DRAXIN: variants seen among roughly 807,000 people sequenced by gnomAD.
The protein encoded by DRAXIN is dorsal repulsive axon guidance protein.
Under a neutral mutation model 33.9 loss-of-function variants are expected in DRAXIN, and 27 were observed. The ratio of observed to expected loss-of-function variants is 0.80; its 90% CI spans 0.59 to 1.10. The LOEUF (loss-of-function observed/expected upper bound fraction) is 1.10, where lower values mean the gene tolerates loss of function less well. Ranked by LOEUF, DRAXIN falls within the 50% of genes least tolerant of loss-of-function variation. The pLI, the probability that DRAXIN is intolerant of heterozygous loss-of-function variation, is 0.00. For synonymous variants in DRAXIN, 178 were observed against 194.0 expected (o/e 0.92, Z 0.69); for missense variants, 371 against 460.8 (o/e 0.81, Z 1.78).
Position 11,706,439 on chromosome 1 carries a change from G to C in DRAXIN, c.181G>C (p.Gly61Arg). ...TPQASHHRRR[G>R]PGKKEWGPGL... ...TCAGGCCAGCCACCACCGCCGGCGGGGCCCGGGCAAGAAGGAGTGGGGCCC... is the reference window on the plus strand; with the variant it reads ...TCAGGCCAGCCACCACCGCCGGCGGCGCCCGGGCAAGAAGGAGTGGGGCCC... The change falls in exon 2 of 7, where the codon GGC becomes CGC. Residue 61 changes from glycine to arginine, a missense_variant. Physicochemically the swap from Gly to Arg is moderately radical, Grantham distance 125. Transcript: ENST00000294485. The surrounding 1 kb of genome is among the most constrained non-coding windows in gnomAD (Gnocchi z 5.5). 6.2e-7 allele frequency: 1 copy of C among 1,611,640 alleles called. No individual in the cohort carries two copies. Among genetic ancestry groups the C allele is most frequent in the Middle Eastern group, 1.8e-4 (1 of 5,514 alleles).
In DRAXIN at chr1:11,720,079, T is replaced by C. The variant is rs1183655542; in HGVS notation, c.*383T>C. 4.1e-6 allele frequency: 1 copy of C among 241,474 alleles called. No individual in the cohort carries two copies. Among genetic ancestry groups the C allele is most frequent in the Non-Finnish European group, 8.6e-6 (1 of 115,946 alleles). 15.0% of individuals were successfully genotyped at this position (241,474 alleles called of 1,614,324 possible). On this transcript the variant is annotated 3_prime_UTR_variant, in exon 7 of 7. Coordinates refer to ENST00000294485, the MANE Select transcript of DRAXIN (RefSeq NM_198545.4). ...CGAAAGAAGGTCCACCATCAGGAGATGAATATGGAACATCTCCTATGTACC... is the reference window on the plus strand; with the variant it reads ...CGAAAGAAGGTCCACCATCAGGAGACGAATATGGAACATCTCCTATGTACC...
intron 3 of DRAXIN, among the ~76,000 whole-genome samples, chr1:11,710,609 T>C (rs1261205594): frequency 1.3e-5 from 2 of 152,064 alleles, no homozygotes; most frequent in African/African-American, 4.8e-5. Flanking sequence ...CTTGCACCTC[T>C]TCTGTGGCTT....
At position 11,724,389 on chromosome 1, in the gene DRAXIN, C is replaced by T. The variant is rs954713694; in HGVS notation, c.*4693C>T. ...ATCCCAGGAATACCTGCTGTTCCCA[C>T]AGGGCTGCCTTTCCGTAGTTTGTCT... On this transcript the variant is annotated 3_prime_UTR_variant, in exon 7 of 7. Transcript: ENST00000294485. The T allele has an allele frequency of 6.6e-6, 1 of 152,370 alleles. No homozygotes were observed. Among genetic ancestry groups the T allele is most frequent in the Non-Finnish European group, 1.5e-5 (1 of 68,144 alleles). 9.4% of individuals were successfully genotyped at this position (152,370 alleles called of 1,614,324 possible).
upstream of DRAXIN, among the ~76,000 whole-genome samples, chr1:11,688,567 A>C (rs1297908455): frequency 6.6e-6 from 1 of 152,078 alleles, no homozygotes; most frequent in Non-Finnish European, 1.5e-5. This position sits in a 1 kb window ranked among gnomAD's most constrained non-coding sequence, Gnocchi z 4.6. Flanking sequence ...TCTCAAAAAA[A>C]AAAAAGAAAA....
intron 6 of DRAXIN, among the ~76,000 whole-genome samples, chr1:11,717,995 T>C (rs1641604416): frequency 2.5e-5 from 1 of 39,958 alleles, no homozygotes; most frequent in Non-Finnish European, 4.0e-5. Context: ...AGCAAGACCC[T>C]GTCTCAAAAA....
upstream of DRAXIN, among the ~76,000 whole-genome samples, chr1:11,687,563 G>A (rs1265469131): frequency 6.6e-6 from 1 of 152,020 alleles, no homozygotes; most frequent in Admixed American, 6.6e-5. This position sits in a 1 kb window ranked among gnomAD's most constrained non-coding sequence, Gnocchi z 4.1. Context: ...TTTCTGTAGA[G>A]AAGGGGTCTC....
At chr1:11,711,182 T>C (rs560168921) in intron 3 of DRAXIN, among the ~76,000 whole-genome samples, 2 of 152,360 alleles carry the variant, frequency 1.3e-5, no homozygotes, top group South Asian at 2.1e-4. Context: ...TTATCCTTTT[T>C]TGGGGTCTTG....
chr1:11,724,017 A>G lies in DRAXIN; in HGVS notation c.*4321A>G, dbSNP rs1641692289. The G allele has an allele frequency of 6.6e-6, 1 of 152,204 alleles. No homozygotes were observed. Among genetic ancestry groups the G allele is most frequent in the African/African-American group, 2.4e-5 (1 of 41,446 alleles). The allele number at this position is 152,204 out of a possible 1,614,324, so 9.4% of individuals were successfully genotyped here. Reference sequence around the variant, plus strand: ...CGGTTCTTTGACAATGACCCATCACATACTCTGAGATCATTTCTAAGTCAC... The same window carrying G: ...CGGTTCTTTGACAATGACCCATCACGTACTCTGAGATCATTTCTAAGTCAC... On this transcript the variant is annotated 3_prime_UTR_variant, in exon 7 of 7. Transcript: ENST00000294485.
chr1:11,716,756 T>C (rs1641584585), intron 6 of DRAXIN, among the ~76,000 whole-genome samples: 1 of 152,170 alleles, frequency 6.6e-6, no homozygotes, highest in Admixed American at 6.5e-5. Flanking sequence ...CTCTGTAGCT[T>C]TAACTCCCGG....
At chr1:11,693,700 C>T (rs1436112937) in intron 1 of DRAXIN, among the ~76,000 whole-genome samples, 3 of 152,170 alleles carry the variant, frequency 2.0e-5, no homozygotes, top group African/African-American at 2.4e-5. Context: ...TTGGTGAACC[C>T]GGCCCTTCAT....
intron 5 of DRAXIN, among the ~76,000 whole-genome samples, chr1:11,713,218 A>G (rs1641524970): frequency 2.6e-5 from 4 of 151,718 alleles, no homozygotes; most frequent in African/African-American, 9.7e-5. Context: ...AAAATACATT[A>G]CTCACAACAA....
intron 1 of DRAXIN, among the ~76,000 whole-genome samples, chr1:11,702,067 C>T (rs1198257762): frequency 6.7e-6 from 1 of 149,300 alleles, no homozygotes; most frequent in African/African-American, 2.5e-5. Flanking sequence ...CACACACATA[C>T]GCTCACACAT....
intron 5 of DRAXIN, among the ~76,000 whole-genome samples, chr1:11,713,823 A>C (rs1159053565): frequency 6.6e-6 from 1 of 152,092 alleles, no homozygotes; most frequent in Non-Finnish European, 1.5e-5. Context: ...GGTGGATCAC[A>C]AGGTCAGGAG....
Position 11,692,771 on chromosome 1 carries a change from T to C in DRAXIN, c.-11+918T>C, listed in dbSNP as rs1182403109. Among the ~76,000 whole-genome samples the C allele has an allele frequency of 6.6e-6, 1 of 152,118 alleles. No individual in the cohort carries two copies. Among genetic ancestry groups the C allele is most frequent in the Non-Finnish European group, 1.5e-5 (1 of 67,994 alleles). On this transcript the variant is annotated intron_variant, in intron 1 of 6. Coordinates refer to ENST00000294485, the MANE Select transcript of DRAXIN (RefSeq NM_198545.4). The surrounding 1 kb of genome is among the most constrained non-coding windows in gnomAD (Gnocchi z 5.8). ...GGTGTCTGGAACCGGTTCAGTACTATGCATCTGGAGTCGGGTACACTGGGG... is the reference window on the plus strand; with the variant it reads ...GGTGTCTGGAACCGGTTCAGTACTACGCATCTGGAGTCGGGTACACTGGGG...
intron 6 of DRAXIN, 101 bp downstream of exon 6, chr1:11,715,309 C>T: frequency 6.9e-7 from 1 of 1,445,812 alleles, no homozygotes; most frequent in Non-Finnish European, 9.6e-7. Flanking sequence ...ACAAGCTTTC[C>T]TGGCAGAGGG....
In DRAXIN at chr1:11,719,690, C is replaced by T. The variant is rs999886833; in HGVS notation, c.1044C>T (p.Asn348=). 7 of 1,613,790 alleles carry T rather than the reference C, an allele frequency of 4.3e-6. No individual in the cohort carries two copies. Among genetic ancestry groups the T allele is most frequent in the Middle Eastern group, 3.3e-4 (2 of 6,054 alleles). The part of the protein sequence containing the change: ...TANGDQGSFI[N]V ...ACGGCGACCAGGGATCCTTCATCAA[C>T]GTCTAGCGGCCCCGCGGGACTGGGG... is the stretch of plus-strand genomic sequence containing the variant. Residue 348 remains asparagine (N), a synonymous_variant, in exon 7 of 7, where the codon AAC becomes AAT. Coordinates refer to ENST00000294485, the MANE Select transcript of DRAXIN (RefSeq NM_198545.4).
At chr1:11,702,468 C>T (rs1369005936) in intron 1 of DRAXIN, among the ~76,000 whole-genome samples, 2 of 151,722 alleles carry the variant, frequency 1.3e-5, no homozygotes, top group East Asian at 3.9e-4. Context: ...ACATACATAC[C>T]TACACACCCA....
At chr1:11,695,344 C>T (rs1001462998) in intron 1 of DRAXIN, among the ~76,000 whole-genome samples, 14 of 151,920 alleles carry the variant, frequency 9.2e-5, no homozygotes, top group East Asian at 3.9e-4. Flanking sequence ...TTTGGGAGGC[C>T]GAGGCAGCTA....
Position 11,722,335 on chromosome 1 carries a change from A to G in DRAXIN, c.*2639A>G, listed in dbSNP as rs1641669628. The G allele has an allele frequency of 1.3e-5, 2 of 152,230 alleles. No individual in the cohort carries two copies. Among genetic ancestry groups the G allele is most frequent in the Admixed American group, 1.3e-4 (2 of 15,276 alleles). 9.4% of individuals were successfully genotyped at this position (152,230 alleles called of 1,614,324 possible). A position where few individuals can be genotyped will look rare whatever the true frequency, so the allele number is the denominator to read the frequency against. On this transcript the variant is annotated 3_prime_UTR_variant, in exon 7 of 7. Coordinates refer to ENST00000294485, the MANE Select transcript of DRAXIN (RefSeq NM_198545.4). ...GTTAGATGGTCCTAGGACATCAGCCATGGAGAACACAGAGGGTCAGGACAA... is the reference window on the plus strand; with the variant it reads ...GTTAGATGGTCCTAGGACATCAGCCGTGGAGAACACAGAGGGTCAGGACAA...
Sources: gnomAD v4.1 joint callset for allele counts (sites outside exome capture counted in the v4.1 genomes callset) on GRCh38, gnomAD v4.1.1 for gene constraint, Gnocchi (gnomAD v3.1) non-coding constraint, MANE v1.5 for transcripts, NCBI Gene and HGNC (gene_info 2026-07-23, HGNC 2026-07-21) for gene names.